Variants in RIPK2 observed in about 807,000 individuals in gnomAD.
RIPK2 encodes the protein receptor-interacting serine/threonine-protein kinase 2.
RIPK2 carries 38 observed loss-of-function variants against 60.9 expected under a neutral mutation model. The ratio of observed to expected loss-of-function variants is 0.62; its 90% CI spans 0.48 to 0.82. The LOEUF (loss-of-function observed/expected upper bound fraction) is 0.82, where lower values mean the gene tolerates loss of function less well. Ranked by LOEUF, RIPK2 falls within the 40% of genes least tolerant of loss-of-function variation. The probability of loss-of-function intolerance (pLI) is 0.00; values close to 1 mark genes in which losing one functional copy is unlikely to be tolerated. For synonymous variants in RIPK2, 225 were observed against 223.4 expected (o/e 1.01, Z -0.06); for missense variants, 518 against 647.0 (o/e 0.80, Z 2.16).
intron 9 of RIPK2, among the ~76,000 whole-genome samples, chr8:89,787,258 A>C (rs1032941815): frequency 3.3e-5 from 5 of 152,234 alleles, no homozygotes; most frequent in Non-Finnish European, 7.3e-5. Context: ...AATGTTTCTA[A>C]ATAACTATTA....
chr8:89,772,928 G>A (rs1586124581), intron 6 of RIPK2, 100 bp downstream of exon 6: 2 of 684,806 alleles, frequency 2.9e-6, no homozygotes, highest in Non-Finnish European at 4.4e-6. Flanking sequence ...TAGATGACTA[G>A]CTAGAAGTTG....
chr8:89,779,310 GT>G (rs55784154), intron 6 of RIPK2, among the ~76,000 whole-genome samples: 32 of 79,108 alleles, frequency 4.0e-4, no homozygotes, highest in East Asian at 3.8e-3. Flanking sequence ...CGGTTTTTGG[GT>G]TTTTTTTTTT....
At chr8:89,781,512 C>T (rs1809500186) in intron 7 of RIPK2, among the ~76,000 whole-genome samples, 1 of 151,940 alleles carries the variant, frequency 6.6e-6, no homozygotes, top group Non-Finnish European at 1.5e-5. Context: ...AAACTACAGG[C>T]GTGGGCTACC....
chr8:89,788,114 G>A (rs575755284), intron 9 of RIPK2, among the ~76,000 whole-genome samples: 16 of 152,208 alleles, frequency 1.1e-4, no homozygotes, highest in African/African-American at 2.6e-4. Context: ...GGCCAAGGTG[G>A]GCAAATCACT....
chr8:89,776,793 G>A (rs756286635), intron 6 of RIPK2, among the ~76,000 whole-genome samples: 3 of 152,100 alleles, frequency 2.0e-5, no homozygotes, highest in Non-Finnish European at 4.4e-5. Context: ...AGAAACCAGC[G>A]ACCCCACTTC....
At chr8:89,770,459 G>A (rs1048937445) in intron 4 of RIPK2, among the ~76,000 whole-genome samples, 1 of 151,724 alleles carries the variant, frequency 6.6e-6, no homozygotes, top group Non-Finnish European at 1.5e-5. Flanking sequence ...ATCTCATAAT[G>A]CAGTAATAAG....
chr8:89,769,951 T>C (rs773779435), intron 4 of RIPK2, 22 bp downstream of exon 4: 2 of 1,549,018 alleles, frequency 1.3e-6, no homozygotes, highest in Admixed American at 2.1e-5. Context: ...TTGCTTCTGC[T>C]CAGATTTAAC....
At position 89,772,786 on chromosome 8, in the gene RIPK2, A is replaced by G. The variant is rs2130561484; in HGVS notation, c.811A>G (p.Ser271Gly). The G allele has an allele frequency of 1.2e-6, 2 of 1,608,442 alleles. No homozygotes were observed. The highest frequency in any genetic ancestry group is 2.2e-5 in the East Asian group (1 of 44,688). The change falls in exon 6 of 11, where the codon AGT (serine) becomes GGT (glycine). Residue 271 changes from serine to glycine, a missense_variant. By Grantham distance (56) the Ser-to-Gly change is moderately conservative. Around this residue, in one of 3 missense-constraint regions of RIPK2, gnomAD observed 448 missense variants for 534.7 expected, o/e 0.84. Coordinates refer to ENST00000220751, the MANE Select transcript of RIPK2 (RefSeq NM_003821.6). ...HRARMISLIE[S>G]GWAQNPDERP... ...AGCACGTATGATCTCTCTAATAGAA[A>G]GTGGATGGGCACAAAATCCAGATGA...
chr8:89,787,967 C>G (rs367577175), intron 9 of RIPK2, among the ~76,000 whole-genome samples: 2 of 151,760 alleles, frequency 1.3e-5, no homozygotes, highest in East Asian at 3.9e-4. Flanking sequence ...CTTAGAGGAG[C>G]GATGAGAGAA....
At chr8:89,773,050 C>A (rs1320970046) in intron 6 of RIPK2, among the ~76,000 whole-genome samples, 3 of 152,072 alleles carry the variant, frequency 2.0e-5, no homozygotes, top group Admixed American at 6.6e-5. Flanking sequence ...GTAACAATTT[C>A]TTTCATATAT....
chr8:89,786,469 G>A (rs1809588717), intron 8 of RIPK2, 124 bp from the exon 9 acceptor site: 5 of 638,002 alleles, frequency 7.8e-6, no homozygotes, highest in Non-Finnish European at 1.4e-5. Flanking sequence ...GTGAGACCCT[G>A]TCTGAAAAAA....
rs144876128 is a variant in RIPK2 at position 89,789,394 on chromosome 8, T to C, written c.1197T>C (p.Ser399=). ...PGNHSWDSTI[S]GSQRAAFCDH... ...ATCACAGTTGGGATAGCACCATTTC[T>C]GGATCTCAAAGGGCTGCATTCTGTG... The change falls in exon 10 of 11, where the codon TCT becomes TCC. Residue 399 remains serine (S), a synonymous_variant. Transcript: ENST00000220751. 8 of 1,614,016 alleles carry C rather than the reference T, an allele frequency of 5.0e-6. No homozygotes were observed. The highest frequency in any genetic ancestry group is 6.8e-6 in the Non-Finnish European group (8 of 1,179,986).
In RIPK2 at chr8:89,786,590, T is replaced by A. The variant is rs199844994; in HGVS notation, c.1030-3T>A. The A allele has an allele frequency of 6.6e-6, 10 of 1,509,798 alleles. No homozygotes were observed. Among genetic ancestry groups the A allele is most frequent in the Non-Finnish European group, 8.2e-6 (9 of 1,095,326 alleles). The allele number at this position is 1,509,798 out of a possible 1,614,324, so 93.5% of individuals were successfully genotyped here. ...TAAACCCTTTATTTTTTATTTACTT[T>A]AGGAATCATGTGGATCCTCTCAGCT... On this transcript the variant is annotated splice_polypyrimidine_tract_variant and splice_region_variant and intron_variant, in intron 8 of 10. Coordinates refer to ENST00000220751, the MANE Select transcript of RIPK2 (RefSeq NM_003821.6).
intron 6 of RIPK2, among the ~76,000 whole-genome samples, chr8:89,778,408 C>G (rs1469525105): frequency 6.6e-6 from 1 of 152,040 alleles, no homozygotes; most frequent in African/African-American, 2.4e-5. Context: ...TACTATAATC[C>G]AATTTTCAAG....
At chr8:89,788,445 C>A (rs1206657781) in intron 9 of RIPK2, among the ~76,000 whole-genome samples, 1 of 151,802 alleles carries the variant, frequency 6.6e-6, no homozygotes, top group Non-Finnish European at 1.5e-5. Flanking sequence ...TAGGAGCACA[C>A]AAAGGGTTGA....
chr8:89,778,021 G>A (rs1436068348), intron 6 of RIPK2, among the ~76,000 whole-genome samples: 1 of 151,750 alleles, frequency 6.6e-6, no homozygotes. Flanking sequence ...GCCTACTTTT[G>A]GACAAACCTA....
chr8:89,784,066 G>C lies in RIPK2; in HGVS notation c.956G>C (p.Ser319Thr), dbSNP rs749582809. Residue 319 changes from serine (S) to threonine (T), a missense_variant, in exon 8 of 11, where the codon AGT becomes ACT. Physicochemically the swap from Ser to Thr is moderately conservative, Grantham distance 58 (BLOSUM62 1). Coordinates refer to ENST00000220751, the MANE Select transcript of RIPK2 (RefSeq NM_003821.6). ...LKKTKLQSVS[S>T]AIHLCDKKKM... ...TCATTACAGTTACAGAGTGTTTCAA[G>C]TGCCATTCACCTATGTGACAAGAAG... is the stretch of plus-strand genomic sequence containing the variant. 3.9e-6 allele frequency: 6 copies of C among 1,558,392 alleles called. No homozygotes were observed. The African/African-American group carries it at 8.6e-5, about 22-fold the overall frequency.
At chr8:89,785,569 C>G (rs1480054453) in intron 8 of RIPK2, among the ~76,000 whole-genome samples, 1 of 151,976 alleles carries the variant, frequency 6.6e-6, no homozygotes, top group Non-Finnish European at 1.5e-5. Flanking sequence ...GGGTCCCAAC[C>G]CCAAGATATC....
Position 89,772,737 on chromosome 8 carries a change from T to C in RIPK2, c.762T>C (p.Ser254=). The part of the protein sequence containing the change: ...QGHRPVINEE[S]LPYDIPHRAR... ...ATCGACCTGTTATTAATGAAGAAAG[T>C]TTGCCATATGATATACCTCACCGAG... Residue 254 remains serine, a synonymous_variant, in exon 6 of 11, where the codon AGT becomes AGC. Coordinates refer to ENST00000220751, the MANE Select transcript of RIPK2 (RefSeq NM_003821.6). 1 of 1,611,990 alleles carries C rather than the reference T, an allele frequency of 6.2e-7. No individual in the cohort carries two copies. The highest frequency in any genetic ancestry group is 2.2e-5 in the East Asian group (1 of 44,774).
Sources: allele counts gnomAD v4.1 joint callset (sites outside exome capture counted in the v4.1 genomes callset), GRCh38; gene constraint gnomAD v4.1.1; regional missense constraint gnomAD v4.1.1; transcripts MANE v1.5; gene names NCBI Gene and HGNC (gene_info 2026-07-23, HGNC 2026-07-21).